ZNF462: variants seen among roughly 807,000 people sequenced by gnomAD.
The protein encoded by ZNF462 is zinc finger PBX1-interacting protein.
A neutral mutation model predicts 201.9 loss-of-function variants in ZNF462; 10 were observed. The observed-to-expected ratio is 0.05, with a 90% confidence interval of 0.03 to 0.08. The LOEUF (loss-of-function observed/expected upper bound fraction) is 0.08, where lower values mean the gene tolerates loss of function less well. ZNF462 is among the 10% of genes least tolerant of loss of function. The pLI is 1.00. For synonymous variants in ZNF462, 1,227 were observed against 1,193.3 expected (o/e 1.03, Z -0.58); for missense variants, 2,523 against 3,168.3 (o/e 0.80, Z 4.89).
intron 8 of ZNF462, among the ~76,000 whole-genome samples, chr9:106,973,785 C>T (rs562411734): frequency 2.0e-5 from 3 of 152,192 alleles, no homozygotes; most frequent in Admixed American, 2.0e-4. Flanking sequence ...TAGTCTCTCT[C>T]CTCCCAAGCA....
chr9:106,976,539 C>T (rs1030101475), intron 9 of ZNF462: 1 of 152,166 alleles, frequency 6.6e-6, no homozygotes, highest in Non-Finnish European at 1.5e-5. Flanking sequence ...AGCAGTCAAT[C>T]GCAGTCCTTT....
In ZNF462 at chr9:106,994,018, C is replaced by T. The variant is rs149447108; in HGVS notation, c.7057-9276C>T. 6.7e-3 allele frequency among the ~76,000 whole-genome samples: 1,015 copies of T among 152,150 alleles called. 8 individuals are homozygous for T. Among genetic ancestry groups the T allele is most frequent in the African/African-American group, 0.023 (969 of 41,540 alleles). ...TTTAAAAGAAAGTTTATATGCAATA[C>T]CTTGTTAGTGTTCTTTATGGTTCTG... On this transcript the variant is annotated intron_variant, in intron 10 of 12. Transcript: ENST00000277225.
chr9:106,875,184 A>ATGATCTT (rs764311647), intron 1 of ZNF462, among the ~76,000 whole-genome samples: 17 of 152,008 alleles, frequency 1.1e-4, no homozygotes, highest in Non-Finnish European at 2.4e-4. Context: ...CCCCCTTTCC[A>ATGATCTT]TGATCTTTCC....
In ZNF462 at chr9:106,950,665, T is replaced by A. The variant is rs1831303196; in HGVS notation, c.6427+11558T>A. 6.6e-6 allele frequency among the ~76,000 whole-genome samples: 1 copy of A among 152,216 alleles called. No homozygotes were observed. Among genetic ancestry groups the A allele is most frequent in the African/African-American group, 2.4e-5 (1 of 41,462 alleles). ...GCAGTTCCCTATTAGCACATTAAAA[T>A]TGATCAGTTCTGTGTGTTGTTCTGT... On this transcript the variant is annotated intron_variant, in intron 7 of 12. Coordinates refer to ENST00000277225, the MANE Select transcript of ZNF462 (RefSeq NM_021224.6). The surrounding 1 kb of genome is among the most constrained non-coding windows in gnomAD (Gnocchi z 4.1).
chr9:106,995,306 G>A (rs1000229821), intron 10 of ZNF462, among the ~76,000 whole-genome samples: 2 of 152,016 alleles, frequency 1.3e-5, no homozygotes, highest in Admixed American at 6.6e-5. Flanking sequence ...TGACTTCTGT[G>A]CTCTATATCC....
In ZNF462 at chr9:106,933,954, A is replaced by G. The variant is rs1017280557; in HGVS notation, c.6116+1405A>G. On this transcript the variant is annotated intron_variant, in intron 5 of 12. Coordinates refer to ENST00000277225, the MANE Select transcript of ZNF462 (RefSeq NM_021224.6). The surrounding 1 kb of genome is among the most constrained non-coding windows in gnomAD (Gnocchi z 4.3). ...AGGAATAGTGAAAGATAAGGTCTAA[A>G]TACTTTAAAGGAGACCATATTTGGA... 2.0e-5 allele frequency among the ~76,000 whole-genome samples: 3 copies of G among 152,314 alleles called. No homozygotes were observed. The highest frequency in any genetic ancestry group is 6.5e-5 in the Admixed American group (1 of 15,302).
chr9:106,925,298 C>T lies in ZNF462; in HGVS notation c.1386C>T (p.His462=). The change falls in exon 3 of 13, where the codon CAC becomes CAT. Residue 462 remains histidine (H), a synonymous_variant. Coordinates refer to ENST00000277225, the MANE Select transcript of ZNF462 (RefSeq NM_021224.6). This position sits in a 1 kb window ranked among gnomAD's most constrained non-coding sequence, Gnocchi z 7.9. The part of the protein sequence containing the change: ...RSISRHIENI[H]LSGKTAVYKC... ...TCTCTCGTCACATAGAAAACATCCA[C>T]TTATCTGGAAAGACAGCTGTCTACA... The T allele has an allele frequency of 6.2e-6, 10 of 1,614,192 alleles. No individual in the cohort carries two copies. The highest frequency in any genetic ancestry group is 8.5e-6 in the Non-Finnish European group (10 of 1,180,038).
At chr9:106,946,034 C>G (rs1043480512) in intron 7 of ZNF462, among the ~76,000 whole-genome samples, 2 of 152,228 alleles carry the variant, frequency 1.3e-5, no homozygotes, top group Non-Finnish European at 2.9e-5. Context: ...GAAAACATTT[C>G]AAGTATAGGC....
At chr9:106,862,550 TCTCCTTTGCCTCCTTCTC>T (rs1483172156), upstream of ZNF462, among the ~76,000 whole-genome samples, 5 of 151,988 alleles carry the variant, frequency 3.3e-5, no homozygotes, top group Middle Eastern at 3.4e-3. This position sits in a 1 kb window ranked among gnomAD's most constrained non-coding sequence, Gnocchi z 4.2. Flanking sequence ...TTTGCCTCCT[TCTCCTTTGCCTCCTTCTC>T]CTCCTCTTCC....
In ZNF462 at chr9:107,003,123, A is replaced by G. The variant is rs1480619709; in HGVS notation, c.7057-171A>G. Among the ~76,000 whole-genome samples, 1 of 152,218 alleles carries G rather than the reference A, an allele frequency of 6.6e-6. No individual in the cohort carries two copies. The highest frequency in any genetic ancestry group is 2.4e-5 in the African/African-American group (1 of 41,466). On this transcript the variant is annotated intron_variant, in intron 10 of 12. Transcript: ENST00000277225. This position sits in a 1 kb window ranked among gnomAD's most constrained non-coding sequence, Gnocchi z 4.4. ...GAATGTGGGAGCAAAGGGCTGCTCCATCTCCAAAAGAGTCAAAACGAAGAA... is the reference window on the plus strand; with the variant it reads ...GAATGTGGGAGCAAAGGGCTGCTCCGTCTCCAAAAGAGTCAAAACGAAGAA...
At position 106,981,972 on chromosome 9, in the gene ZNF462, T is replaced by C. The variant is rs1418880697; in HGVS notation, c.6833-2214T>C. On this transcript the variant is annotated intron_variant, in intron 9 of 12. Transcript: ENST00000277225. The surrounding 1 kb of genome is among the most constrained non-coding windows in gnomAD (Gnocchi z 4.0). The stretch of plus-strand genomic sequence containing the variant: ...AGATGATAACATATAAATGAGGAAC[T>C]AAAATGTAGAGAGAGCAAGGGGGAT... Among the ~76,000 whole-genome samples the C allele has an allele frequency of 6.6e-6, 1 of 152,116 alleles. No homozygotes were observed. Among genetic ancestry groups the C allele is most frequent in the African/African-American group, 2.4e-5 (1 of 41,404 alleles).
At position 106,929,826 on chromosome 9, in the gene ZNF462, T is replaced by A. The variant is rs1830351448; in HGVS notation, c.5847+67T>A. The A allele has an allele frequency of 2.8e-6, 4 of 1,432,992 alleles. No homozygotes were observed. The highest frequency in any genetic ancestry group is 3.8e-6 in the Non-Finnish European group (4 of 1,052,734). 88.8% of individuals were successfully genotyped at this position (1,432,992 alleles called of 1,614,324 possible). A position where few individuals can be genotyped will look rare whatever the true frequency, so the allele number is the denominator to read the frequency against. On this transcript the variant is annotated intron_variant, in intron 3 of 12. Transcript: ENST00000277225. This position sits in a 1 kb window ranked among gnomAD's most constrained non-coding sequence, Gnocchi z 8.7. Reference sequence around the variant, plus strand: ...CATCACTGGTGCCCACATGCACTTCTTCGTTGCCAGCCAAACTGCTGCAGG... The same window carrying A: ...CATCACTGGTGCCCACATGCACTTCATCGTTGCCAGCCAAACTGCTGCAGG...
chr9:106,885,792 T>C lies in ZNF462; in HGVS notation c.-31+22437T>C, dbSNP rs1828291052. Among the ~76,000 whole-genome samples the C allele has an allele frequency of 6.6e-6, 1 of 152,170 alleles. No homozygotes were observed. Among genetic ancestry groups the C allele is most frequent in the African/African-American group, 2.4e-5 (1 of 41,444 alleles). On this transcript the variant is annotated intron_variant, in intron 1 of 12. Coordinates refer to ENST00000277225, the MANE Select transcript of ZNF462 (RefSeq NM_021224.6). The surrounding 1 kb of genome is among the most constrained non-coding windows in gnomAD (Gnocchi z 4.1). ...CAACTTGAAGTGGCTATCTTGCACA[T>C]GGGACTGATGTTGAGGACTGCTTGA...
Position 106,974,428 on chromosome 9 carries a change from C to A in ZNF462, c.6832+155C>A. ...CCACAGTGATAACCACAGTGACAGC[C>A]AAAAGGGCAAAAACACCTTCCTGCT... On this transcript the variant is annotated intron_variant, in intron 9 of 12. Coordinates refer to ENST00000277225, the MANE Select transcript of ZNF462 (RefSeq NM_021224.6). This position sits in a 1 kb window ranked among gnomAD's most constrained non-coding sequence, Gnocchi z 4.0. The A allele has an allele frequency of 8.7e-7, 1 of 1,150,856 alleles. No individual in the cohort carries two copies. The highest frequency in any genetic ancestry group is 1.3e-6 in the Non-Finnish European group (1 of 771,290). The allele number at this position is 1,150,856 out of a possible 1,614,324, so 71.3% of individuals were successfully genotyped here. A position where few individuals can be genotyped will look rare whatever the true frequency, so the allele number is the denominator to read the frequency against.
rs528833187 is a variant in ZNF462 at position 106,988,926 on chromosome 9, G to C, written c.7056+4517G>C. Among the ~76,000 whole-genome samples, 225 of 152,224 alleles carry C rather than the reference G, an allele frequency of 1.5e-3. 1 individual carries two copies. Among genetic ancestry groups the C allele is most frequent in the African/African-American group, 5.2e-3 (218 of 41,554 alleles). The stretch of plus-strand genomic sequence containing the variant: ...TGCTGAATTCCTTTATCGGTTCTAG[G>C]AGATTTCTGGAGGAGTCCTTAGGGT... On this transcript the variant is annotated intron_variant, in intron 10 of 12. Coordinates refer to ENST00000277225, the MANE Select transcript of ZNF462 (RefSeq NM_021224.6).
intron 1 of ZNF462, among the ~76,000 whole-genome samples, chr9:106,887,601 G>A (rs568039060): frequency 1.8e-4 from 28 of 152,278 alleles, no homozygotes; most frequent in African/African-American, 6.7e-4. Flanking sequence ...TCAAGGTAAC[G>A]AAGTTGTTTA....
rs1427465037 is a variant in ZNF462 at position 106,984,821 on chromosome 9, TA to T, written c.7056+415del. Among the ~76,000 whole-genome samples, 1 of 152,266 alleles carries T rather than the reference TA, an allele frequency of 6.6e-6. No individual in the cohort carries two copies. Among genetic ancestry groups the T allele is most frequent in the Non-Finnish European group, 1.5e-5 (1 of 68,042 alleles). ...AAATGACAGGGTTTGGCAGTTTCTA[TA>T]AAGGACCGGAGAGCAAATATTTTAG... On this transcript the variant is annotated intron_variant, in intron 10 of 12. Transcript: ENST00000277225. This position sits in a 1 kb window ranked among gnomAD's most constrained non-coding sequence, Gnocchi z 6.4.
chr9:106,861,210 G>T (rs1020472053), upstream of ZNF462, among the ~76,000 whole-genome samples: 3 of 152,108 alleles, frequency 2.0e-5, no homozygotes, highest in Non-Finnish European at 4.4e-5. Flanking sequence ...GTGCCTCGGG[G>T]TGAGAGATTC....
At chr9:106,958,864 G>A (rs756460568) in intron 7 of ZNF462, among the ~76,000 whole-genome samples, 10 of 152,102 alleles carry the variant, frequency 6.6e-5, no homozygotes, top group Non-Finnish European at 1.0e-4. Flanking sequence ...GGTGGTTGGG[G>A]AGGGCATCAT....
Sources: gnomAD v4.1 joint callset for allele counts (sites outside exome capture counted in the v4.1 genomes callset) on GRCh38, gnomAD v4.1.1 for gene constraint, Gnocchi (gnomAD v3.1) non-coding constraint, MANE v1.5 for transcripts, NCBI Gene and HGNC (gene_info 2026-07-23, HGNC 2026-07-21) for gene names.